Variants in CABCOCO1 observed in about 807,000 individuals in gnomAD.
CABCOCO1 encodes ciliary associated calcium binding coiled-coil 1.
In CABCOCO1, 28 loss-of-function variants were observed where a neutral mutation model predicts 35.7. That is an observed-to-expected ratio of 0.78 (90% CI 0.58 to 1.07). The LOEUF (loss-of-function observed/expected upper bound fraction) is 1.07, where lower values mean the gene tolerates loss of function less well. CABCOCO1 is among the 50% of genes least tolerant of loss of function. The probability of loss-of-function intolerance (pLI) is 0.00; values close to 1 mark genes in which losing one functional copy is unlikely to be tolerated. For synonymous variants in CABCOCO1, 95 were observed against 100.1 expected, an observed-to-expected ratio of 0.95 and a Z score of 0.30; for missense variants, 326 against 309.2, an observed-to-expected ratio of 1.05 and a Z score of -0.41.
chr10:61,690,867 A>T (rs970178599), intron 5 of CABCOCO1, among the ~76,000 whole-genome samples: 1 of 152,168 alleles, frequency 6.6e-6, no homozygotes, highest in African/African-American at 2.4e-5. Context: ...ATTATTTGAC[A>T]AAGTTCAATT....
intron 1 of CABCOCO1, among the ~76,000 whole-genome samples, chr10:61,667,406 A>C (rs997848756): frequency 6.7e-6 from 1 of 149,846 alleles, no homozygotes; most frequent in Non-Finnish European, 1.5e-5. Context: ...TTTTTTCTTG[A>C]CAAGTATGTC....
At position 61,679,315 on chromosome 10, in the gene CABCOCO1, A is replaced by T. The variant is rs1318678997; in HGVS notation, c.165-1828A>T. ...TATCTATATCTATATCTATATCTAT[A>T]TCTATATCTATATCTATCTATATCT... On this transcript the variant is annotated intron_variant, in intron 2 of 7. Transcript: ENST00000648843. Among the ~76,000 whole-genome samples the T allele has an allele frequency of 9.0e-3, 1,177 of 130,614 alleles. 60 individuals carry two copies. Among genetic ancestry groups the T allele is most frequent in the East Asian group, 0.087 (445 of 5,114 alleles). The allele number at this position is 130,614 out of a possible 152,430, so 85.7% of individuals were successfully genotyped here. A position where few individuals can be genotyped will look rare whatever the true frequency, so the allele number is the denominator to read the frequency against.
At position 61,761,044 on chromosome 10, in the gene CABCOCO1, G is replaced by A. The variant is rs775604090; in HGVS notation, c.816+41G>A. The A allele has an allele frequency of 2.5e-6, 4 of 1,596,054 alleles. 1 individual carries two copies. The South Asian group carries it at 4.5e-5, about 18-fold the overall frequency. On this transcript the variant is annotated intron_variant, in intron 7 of 7. Transcript: ENST00000648843. ...AGTATGCTCACTTACTTTATTACTG[G>A]TTAATTAGCCAACCTTAACTTTAAT...
chr10:61,698,763 A>T (rs1840360758), intron 5 of CABCOCO1, among the ~76,000 whole-genome samples: 1 of 152,150 alleles, frequency 6.6e-6, no homozygotes. Flanking sequence ...ACCATATAAA[A>T]ACATAAATTT....
chr10:61,680,560 ATATT>A (rs66472318), intron 2 of CABCOCO1, among the ~76,000 whole-genome samples: 1,966 of 21,334 alleles, frequency 0.092, 2 homozygotes, highest in Middle Eastern at 0.2. Flanking sequence ...CATATAATAT[ATATT>A]TGTATATATT....
At chr10:61,740,733 T>A (rs866315425) in intron 5 of CABCOCO1, among the ~76,000 whole-genome samples, 15 of 152,140 alleles carry the variant, frequency 9.9e-5, no homozygotes, top group African/African-American at 3.1e-4. Context: ...GAGAAAAAAA[T>A]TAAAATATAG....
At position 61,759,966 on chromosome 10, in the gene CABCOCO1, C is replaced by A. The variant is rs16916605; in HGVS notation, c.553-93C>A. On this transcript the variant is annotated intron_variant, in intron 5 of 7. Coordinates refer to ENST00000648843, the MANE Select transcript of CABCOCO1 (RefSeq NM_001366906.2). ...GAGGTGGCACTTGAAAGATAACAGA[C>A]TTGGAACTATGGTACATATATAACG... 3.8e-3 allele frequency: 5,587 copies of A among 1,465,686 alleles called. 190 individuals carry two copies. In the African/African-American group the frequency reaches 0.07, roughly 18 times the overall value. 90.8% of individuals were successfully genotyped at this position (1,465,686 alleles called of 1,614,324 possible). A position where few individuals can be genotyped will look rare whatever the true frequency, so the allele number is the denominator to read the frequency against.
At chr10:61,722,131 A>G (rs1841037800) in intron 5 of CABCOCO1, among the ~76,000 whole-genome samples, 1 of 152,176 alleles carries the variant, frequency 6.6e-6, no homozygotes, top group African/African-American at 2.4e-5. Flanking sequence ...GGGCGTTAAC[A>G]TGTGACACAT....
intron 3 of CABCOCO1, among the ~76,000 whole-genome samples, chr10:61,684,206 A>T (rs952678899): frequency 5.3e-5 from 8 of 152,220 alleles, no homozygotes; most frequent in African/African-American, 1.9e-4. Context: ...TGACATACAT[A>T]AAAGATGATC....
chr10:61,678,395 T>C (rs1022863978), intron 2 of CABCOCO1, among the ~76,000 whole-genome samples: 1 of 152,178 alleles, frequency 6.6e-6, no homozygotes, highest in African/African-American at 2.4e-5. Context: ...CCCTGGCTAA[T>C]AGAGTAAAAT....
chr10:61,764,914 A>G (rs894920237), intron 7 of CABCOCO1, among the ~76,000 whole-genome samples: 1 of 152,178 alleles, frequency 6.6e-6, no homozygotes, highest in Non-Finnish European at 1.5e-5. Flanking sequence ...TGTCACAACT[A>G]TCTGTTATAG....
At chr10:61,663,658 A>G (rs1448255637) in intron 1 of CABCOCO1, among the ~76,000 whole-genome samples, 1 of 152,102 alleles carries the variant, frequency 6.6e-6, no homozygotes, top group Non-Finnish European at 1.5e-5. Context: ...TGACTTTAGG[A>G]AAGTTATTTA....
intron 1 of CABCOCO1, among the ~76,000 whole-genome samples, chr10:61,671,660 T>C (rs1839364245): frequency 6.6e-6 from 1 of 152,184 alleles, no homozygotes; most frequent in Non-Finnish European, 1.5e-5. Flanking sequence ...TCATCCACAC[T>C]GCCAAGGAGA....
chr10:61,740,621 AAT>A lies in CABCOCO1; in HGVS notation c.553-19437_553-19436del, dbSNP rs1428311862. ...AACTGCAATTTGGGCAGACTTCTGG[AAT>A]GTTTTAGTTCAACAAGTGAGAAATT... On this transcript the variant is annotated intron_variant, in intron 5 of 7. Transcript: ENST00000648843. 2.6e-5 allele frequency among the ~76,000 whole-genome samples: 4 copies of A among 152,346 alleles called. No homozygotes were observed. The East Asian group carries it at 7.7e-4, about 29-fold the overall frequency.
rs572277923 is a variant in CABCOCO1, at chr10:61,698,142, A to G, written c.552+7521A>G. On this transcript the variant is annotated intron_variant, in intron 5 of 7. Coordinates refer to ENST00000648843, the MANE Select transcript of CABCOCO1 (RefSeq NM_001366906.2). ...TATGTATGCATTTCAATACACACAC[A>G]CATATATACACATTTGTGTTTGGAT... is the stretch of plus-strand genomic sequence containing the variant. Among the ~76,000 whole-genome samples the G allele has an allele frequency of 6.8e-4, 104 of 152,304 alleles. 1 individual carries two copies. The highest frequency in any genetic ancestry group is 2.4e-3 in the African/African-American group (98 of 41,582).
At chr10:61,690,527 G>C (rs754781919) in intron 4 of CABCOCO1, 22 bp from the exon 5 acceptor site, 88 of 1,510,508 alleles carry the variant, frequency 5.8e-5, no homozygotes, top group Non-Finnish European at 7.9e-5. Flanking sequence ...TTATCAGAGT[G>C]CACATTTATT....
At chr10:61,690,478 A>C in intron 4 of CABCOCO1, 71 bp from the exon 5 acceptor site, 1 of 1,030,938 alleles carries the variant, frequency 9.7e-7, no homozygotes, top group Non-Finnish European at 1.5e-6. Flanking sequence ...TCCTTTAATA[A>C]ATGTCTTTAC....
intron 5 of CABCOCO1, among the ~76,000 whole-genome samples, chr10:61,721,863 G>T (rs138541721): frequency 6.6e-6 from 1 of 152,180 alleles, no homozygotes; most frequent in Admixed American, 6.5e-5. Context: ...AGAGAAGGGG[G>T]AAGAAGCAGG....
rs765899949 is a variant in CABCOCO1, at chr10:61,686,107, C to A, written c.401C>A (p.Thr134Lys). The change falls in exon 4 of 8, where the codon ACA (threonine) becomes AAA (lysine). Residue 134 changes from threonine to lysine, a missense_variant. Coordinates refer to ENST00000648843, the MANE Select transcript of CABCOCO1 (RefSeq NM_001366906.2). ...LGEVMAEIGP[T>K]HSQKSEDWNI... is the part of the protein sequence containing the mutation. ...GAAGTTATGGCTGAAATAGGACCAA[C>A]ACATTCGCAAAAGAGTGAGGACTGG... 5 of 1,608,576 alleles carry A rather than the reference C, an allele frequency of 3.1e-6. No homozygotes were observed. In the South Asian group the frequency reaches 5.6e-5, roughly 18 times the overall value.
Sources: gnomAD v4.1 joint callset for allele counts (sites outside exome capture counted in the v4.1 genomes callset) on GRCh38, gnomAD v4.1.1 for gene constraint, MANE v1.5 for transcripts, NCBI Gene and HGNC (gene_info 2026-07-23, HGNC 2026-07-21) for gene names.